The following OTUD7A variants were observed in gnomAD, a reference collection of about 807,000 sequenced individuals.
OTUD7A encodes OTU domain-containing protein 7A.
OTUD7A carries 12 observed loss-of-function variants against 65.7 expected under a neutral mutation model. That is an observed-to-expected ratio of 0.18 (90% CI 0.12 to 0.30). The LOEUF is 0.30. Among genes scored for constraint, OTUD7A ranks in the 10% least tolerant of loss-of-function variants. The pLI, the probability that OTUD7A is intolerant of heterozygous loss-of-function variation, is 1.00. For synonymous variants in OTUD7A, 641 were observed against 586.3 expected, an observed-to-expected ratio of 1.09 and a Z score of -1.35; for missense variants, 1,148 against 1,304.8, an observed-to-expected ratio of 0.88 and a Z score of 1.85.
At chr15:31,835,663 CACATACACAT>C (rs1210958857) in intron 1 of OTUD7A, among the ~76,000 whole-genome samples, 2 of 152,160 alleles carry the variant, frequency 1.3e-5, no homozygotes, top group Non-Finnish European at 2.9e-5. Flanking sequence ...CACATATACA[CACATACACAT>C]ACATACAAAC....
At chr15:31,802,501 T>A (rs1896162142) in intron 1 of OTUD7A, among the ~76,000 whole-genome samples, 1 of 152,174 alleles carries the variant, frequency 6.6e-6, no homozygotes, top group South Asian at 2.1e-4. Context: ...GATCAACACT[T>A]TGCATCCTTC....
chr15:31,528,728 A>G (rs1471157890), intron 6 of OTUD7A, among the ~76,000 whole-genome samples: 8 of 152,274 alleles, frequency 5.3e-5, no homozygotes, highest in Non-Finnish European at 1.2e-4. Flanking sequence ...CCTGACTCCA[A>G]GATGACTGTC....
chr15:31,664,606 G>T lies in OTUD7A; in HGVS notation c.-99-7529C>A, dbSNP rs1206103422. ...TGAAGATTTTCTCCCACTCTGTGGG[G>T]TATCTGTTTACTCTGCTGGCTGTTC... is the stretch of plus-strand genomic sequence containing the variant. On this transcript the variant is annotated intron_variant, in intron 1 of 12. Coordinates refer to ENST00000307050, the MANE Select transcript of OTUD7A (RefSeq NM_001382637.1). Among the ~76,000 whole-genome samples, 3 of 152,196 alleles carry T rather than the reference G, an allele frequency of 2.0e-5. No homozygotes were observed. The East Asian group carries it at 5.8e-4, about 29-fold the overall frequency.
Position 31,487,519 on chromosome 15 carries a change from A to G in OTUD7A, c.1219T>C (p.Phe407Leu). The G allele has an allele frequency of 6.2e-7, 1 of 1,614,066 alleles. No homozygotes were observed. The part of the protein sequence containing the change: ...DSEHKLLPLH[F>L]AVDPGKDWEW... ...CAGTCCTTGCCAGGGTCCACTGCAA[A>G]GTGCAGAGGCAGCAGCTTGTGCTCA... Residue 407 changes from phenylalanine to leucine, a missense_variant, in exon 11 of 13, where the codon TTT becomes CTT. This residue lies in a region of OTUD7A where 842 missense variants were observed against 769.5 expected (regional missense o/e 1.09). Transcript: ENST00000307050. This position sits in a 1 kb window ranked among gnomAD's most constrained non-coding sequence, Gnocchi z 6.0.
chr15:31,555,756 C>T (rs888766749), intron 5 of OTUD7A, among the ~76,000 whole-genome samples: 2 of 151,990 alleles, frequency 1.3e-5, no homozygotes, highest in Non-Finnish European at 2.9e-5. Flanking sequence ...GGATGGTGGG[C>T]AGGGGTCAGG....
intron 3 of OTUD7A, among the ~76,000 whole-genome samples, chr15:31,616,732 C>G (rs964581430): frequency 2.0e-5 from 3 of 152,058 alleles, no homozygotes; most frequent in African/African-American, 4.8e-5. Context: ...TCAGTAGAGA[C>G]GGGGTTTCAC....
chr15:31,829,397 A>G (rs1452046750), intron 1 of OTUD7A, among the ~76,000 whole-genome samples: 1 of 152,250 alleles, frequency 6.6e-6, no homozygotes, highest in African/African-American at 2.4e-5. Flanking sequence ...CACCCTGTGA[A>G]GATGAAAGAA....
chr15:31,499,506 G>T (rs16956797), intron 10 of OTUD7A, among the ~76,000 whole-genome samples: 3 of 152,170 alleles, frequency 2.0e-5, no homozygotes, highest in African/African-American at 7.2e-5. Context: ...TGATTTCCAC[G>T]TCCCTCTCTG....
At chr15:31,665,565 A>G (rs1298998557) in intron 1 of OTUD7A, among the ~76,000 whole-genome samples, 3 of 152,056 alleles carry the variant, frequency 2.0e-5, no homozygotes, top group Admixed American at 6.5e-5. Flanking sequence ...TTTCTGGAGG[A>G]GTCTTTAGGG....
intron 3 of OTUD7A, among the ~76,000 whole-genome samples, chr15:31,645,491 C>T (rs1347630181): frequency 6.6e-6 from 1 of 152,188 alleles, no homozygotes; most frequent in Non-Finnish European, 1.5e-5. Flanking sequence ...TTCATCTCCT[C>T]TCCCACCCAT....
intron 9 of OTUD7A, 121 bp downstream of exon 9, chr15:31,503,570 T>C (rs746907824): frequency 6.7e-5 from 90 of 1,334,388 alleles, no homozygotes; most frequent in Non-Finnish European, 9.0e-5. Flanking sequence ...GAGGAGATCT[T>C]TGCACAGAGT....
intron 3 of OTUD7A, among the ~76,000 whole-genome samples, chr15:31,577,322 G>A (rs1889231712): frequency 1.3e-5 from 2 of 152,084 alleles, no homozygotes; most frequent in African/African-American, 4.8e-5. Flanking sequence ...TACAAAACAA[G>A]AGCCTCGGCT....
intron 1 of OTUD7A, among the ~76,000 whole-genome samples, chr15:31,675,217 T>TG (rs1892570035): frequency 6.6e-6 from 1 of 152,160 alleles, no homozygotes; most frequent in African/African-American, 2.4e-5. Flanking sequence ...ATTAGAGCCT[T>TG]GGAGCTGCTG....
At chr15:31,855,343 T>C (rs567376049) in intron 1 of OTUD7A, among the ~76,000 whole-genome samples, 4 of 152,328 alleles carry the variant, frequency 2.6e-5, no homozygotes, top group Admixed American at 6.5e-5. Flanking sequence ...AAGGAAATTA[T>C]GCAACTCAAG....
intron 1 of OTUD7A, among the ~76,000 whole-genome samples, chr15:31,661,031 T>C (rs1892148536): frequency 6.6e-6 from 1 of 152,200 alleles, no homozygotes; most frequent in Admixed American, 6.5e-5. Flanking sequence ...ATGCCTTCTG[T>C]TCAGGGGCCA....
chr15:31,798,397 CTGTCCAGG>C (rs996550403), intron 1 of OTUD7A, among the ~76,000 whole-genome samples: 19 of 152,280 alleles, frequency 1.2e-4, no homozygotes, highest in Non-Finnish European at 2.2e-4. Context: ...CTCATGCTTG[CTGTCCAGG>C]TGTCCAGGTG....
At chr15:31,489,621 G>C (rs1287537483) in intron 10 of OTUD7A, among the ~76,000 whole-genome samples, 7 of 151,922 alleles carry the variant, frequency 4.6e-5, no homozygotes, top group Non-Finnish European at 4.4e-5. Flanking sequence ...CCCTTCCATG[G>C]TGCCTGCAGA....
intron 3 of OTUD7A, among the ~76,000 whole-genome samples, chr15:31,622,978 TA>T (rs1327209871): frequency 1.3e-5 from 2 of 152,254 alleles, no homozygotes; most frequent in Non-Finnish European, 2.9e-5. Context: ...GTTTTCCTTC[TA>T]ATAGTCAGGA....
chr15:31,856,980 G>A (rs1004210113), intron 1 of OTUD7A, among the ~76,000 whole-genome samples: 3 of 152,122 alleles, frequency 2.0e-5, no homozygotes, highest in African/African-American at 7.2e-5. Flanking sequence ...GTTGACGGCC[G>A]GCAAACGCCA....
Sources: gnomAD v4.1 joint callset for allele counts (sites outside exome capture counted in the v4.1 genomes callset) on GRCh38, gnomAD v4.1.1 for gene constraint, gnomAD v4.1.1 regional missense constraint, Gnocchi (gnomAD v3.1) non-coding constraint, MANE v1.5 for transcripts, NCBI Gene and HGNC (gene_info 2026-07-23, HGNC 2026-07-21) for gene names.